Variants in PTPN13 observed in about 807,000 individuals in gnomAD.
PTPN13 encodes the protein tyrosine-protein phosphatase non-receptor type 13.
In PTPN13, 191 loss-of-function variants were observed where a neutral mutation model predicts 284.0. The ratio of observed to expected loss-of-function variants is 0.67; its 90% CI spans 0.60 to 0.76. PTPN13 has a LOEUF of 0.76. Ranked by LOEUF, PTPN13 falls within the 30% of genes least tolerant of loss-of-function variation. PTPN13 has a pLI of 0.00. For missense variants in PTPN13, 2,797 were observed against 2,939.9 expected (o/e 0.95, Z 1.12); for synonymous variants, 986 against 1,022.3 (o/e 0.96, Z 0.68).
intron 2 of PTPN13, among the ~76,000 whole-genome samples, chr4:86,636,954 A>G (rs972297011): frequency 1.4e-3 from 218 of 151,366 alleles, no homozygotes; most frequent in African/African-American, 5.2e-3. Context: ...AGAAAAAAAG[A>G]GAGAAGAATC....
intron 1 of PTPN13, among the ~76,000 whole-genome samples, chr4:86,628,789 G>T (rs1472144119): frequency 6.8e-6 from 1 of 147,872 alleles, no homozygotes; most frequent in African/African-American, 2.5e-5. Context: ...TACTGAGAAT[G>T]ATGGTTTCCA....
rs200459060 is a variant in PTPN13, at chr4:86,764,723, C to T, written c.4148C>T (p.Thr1383Met). 243 of 1,602,402 alleles carry T rather than the reference C, an allele frequency of 1.5e-4. No homozygotes were observed. The highest frequency in any genetic ancestry group is 4.7e-4 in the African/African-American group (35 of 74,448). Residue 1383 changes from threonine to methionine, a missense_variant and splice_region_variant, in exon 25 of 48, where the codon ACG becomes ATG. Physicochemically the swap from Thr to Met is moderately conservative, Grantham distance 81. Transcript: ENST00000411767. ...GATAACAGCTTGGGGATAAGTGTCACGGTACTGTTTGACAAGGTTTTCAAA... is the reference window on the plus strand; with the variant it reads ...GATAACAGCTTGGGGATAAGTGTCATGGTACTGTTTGACAAGGTTTTCAAA... The part of the protein sequence containing the change: ...KNDNSLGISV[T>M]GGVNTSVRHG...
At chr4:86,609,839 C>G (rs182589313) in intron 1 of PTPN13, among the ~76,000 whole-genome samples, 1 of 152,230 alleles carries the variant, frequency 6.6e-6, no homozygotes, top group East Asian at 1.9e-4. Flanking sequence ...TTGGGTACAA[C>G]CGAAGTTGTA....
In PTPN13 at chr4:86,743,919, A is replaced by C. The variant is rs116433976; in HGVS notation, c.2488-1047A>C. The stretch of plus-strand genomic sequence containing the variant: ...GCTAGAGTACAGTCTAACTGGACTT[A>C]AGTGGTTCTCCAGAGACATTAGTCT... On this transcript the variant is annotated intron_variant, in intron 16 of 47. Transcript: ENST00000411767. Among the ~76,000 whole-genome samples the C allele has an allele frequency of 3.1e-3, 472 of 152,302 alleles. 4 individuals carry two copies. The highest frequency in any genetic ancestry group is 0.011 in the African/African-American group (445 of 41,574).
rs569601914 is a variant in PTPN13 at position 86,653,097 on chromosome 4, A to C, written c.115+17726A>C. On this transcript the variant is annotated intron_variant, in intron 2 of 47. Transcript: ENST00000411767. ...TCCAGAATTTCTACTTGATTTTTAAAATTTTAATCTCTTAGTTAAATTTCT... is the reference window on the plus strand; with the variant it reads ...TCCAGAATTTCTACTTGATTTTTAACATTTTAATCTCTTAGTTAAATTTCT... Among the ~76,000 whole-genome samples, 60 of 151,976 alleles carry C rather than the reference A, an allele frequency of 3.9e-4. No homozygotes were observed. The East Asian group carries it at 0.011, about 28-fold the overall frequency.
intron 10 of PTPN13, 28 bp from the exon 11 acceptor site, chr4:86,732,372 A>G (rs769279859): frequency 6.7e-7 from 1 of 1,496,018 alleles, no homozygotes; most frequent in Non-Finnish European, 9.0e-7. Flanking sequence ...ATAGTAAAAA[A>G]TATTGATTCT....
In PTPN13 at chr4:86,692,666, T is replaced by C. The variant is rs115737133; in HGVS notation, c.547-921T>C. 3.6e-3 allele frequency among the ~76,000 whole-genome samples: 551 copies of C among 152,342 alleles called. 3 individuals carry two copies. Among genetic ancestry groups the C allele is most frequent in the African/African-American group, 0.013 (523 of 41,572 alleles). On this transcript the variant is annotated intron_variant, in intron 5 of 47. Coordinates refer to ENST00000411767, the MANE Select transcript of PTPN13 (RefSeq NM_080683.3). ...GAGTTTGACCTAATTTGACATACTT[T>C]ATTTCAAGCAGATACCCTTTGCTAA...
At chr4:86,770,603 A>C (rs1274802453) in intron 30 of PTPN13, among the ~76,000 whole-genome samples, 1 of 152,214 alleles carries the variant, frequency 6.6e-6, no homozygotes, top group Non-Finnish European at 1.5e-5. Context: ...GAGGCACCAG[A>C]TAGGAAAAAG....
intron 17 of PTPN13, among the ~76,000 whole-genome samples, chr4:86,747,757 G>A (rs1216307252): frequency 6.6e-6 from 1 of 152,236 alleles, no homozygotes; most frequent in Non-Finnish European, 1.5e-5. Flanking sequence ...AGCACTTTAA[G>A]ATGGTGTGAT....
chr4:86,762,871 T>A lies in PTPN13; in HGVS notation c.3698T>A (p.Phe1233Tyr), dbSNP rs772032933. 3.8e-5 allele frequency: 62 copies of A among 1,613,906 alleles called. No homozygotes were observed. The highest frequency in any genetic ancestry group is 1.6e-4 in the Middle Eastern group (1 of 6,062). The change falls in exon 24 of 48, where the codon TTT (phenylalanine) becomes TAT (tyrosine). Residue 1233 changes from phenylalanine to tyrosine, a missense_variant. Coordinates refer to ENST00000411767, the MANE Select transcript of PTPN13 (RefSeq NM_080683.3). Reference sequence around the variant, plus strand: ...CTGAGGCACATCTCGGAGAACTCCTTTGGGCCATCTGGGGGCCTGCGGGAA... The same window carrying A: ...CTGAGGCACATCTCGGAGAACTCCTATGGGCCATCTGGGGGCCTGCGGGAA... ...GTLRHISENS[F>Y]GPSGGLREGS...
intron 20 of PTPN13, among the ~76,000 whole-genome samples, chr4:86,757,091 C>T (rs957409547): frequency 3.3e-5 from 5 of 152,086 alleles, no homozygotes; most frequent in African/African-American, 9.7e-5. Context: ...TGTGTAAATG[C>T]TTGAATTGCG....
At chr4:86,724,350 G>A (rs771833770) in intron 10 of PTPN13, among the ~76,000 whole-genome samples, 2 of 152,150 alleles carry the variant, frequency 1.3e-5, no homozygotes, top group Non-Finnish European at 2.9e-5. Context: ...AGCACAAACT[G>A]CACGTACATA....
chr4:86,619,594 A>G (rs910179778), intron 1 of PTPN13, among the ~76,000 whole-genome samples: 8 of 152,208 alleles, frequency 5.3e-5, no homozygotes, highest in Non-Finnish European at 1.0e-4. Flanking sequence ...TCCTGTCACC[A>G]TACCACATTT....
intron 42 of PTPN13, among the ~76,000 whole-genome samples, chr4:86,803,263 C>CAT (rs1744250309): frequency 6.7e-6 from 1 of 150,224 alleles, no homozygotes; most frequent in Admixed American, 6.7e-5. Flanking sequence ...TACACACACA[C>CAT]ATATATAAAT....
chr4:86,758,070 A>G (rs1738192445), intron 20 of PTPN13, among the ~76,000 whole-genome samples, 190 bp from the exon 21 acceptor site: 2 of 152,190 alleles, frequency 1.3e-5, no homozygotes, highest in South Asian at 4.1e-4. Flanking sequence ...TAAATGTAAT[A>G]CGTAGTCATT....
chr4:86,773,087 C>A, intron 32 of PTPN13, 129 bp downstream of exon 32: 3 of 654,322 alleles, frequency 4.6e-6, no homozygotes, highest in Non-Finnish European at 7.3e-6. Flanking sequence ...AAATGGATAA[C>A]ATATCTGGTA....
intron 2 of PTPN13, among the ~76,000 whole-genome samples, chr4:86,657,342 C>A (rs1428257285): frequency 6.6e-6 from 1 of 152,194 alleles, no homozygotes. Flanking sequence ...TGGAGCTGTT[C>A]CTATTCGGCC....
At chr4:86,811,159 T>A in intron 47 of PTPN13, 51 bp downstream of exon 47, 1 of 1,526,430 alleles carries the variant, frequency 6.6e-7, no homozygotes, top group South Asian at 1.2e-5. Context: ...GATTCTAATA[T>A]TTTTTAAGGT....
At chr4:86,671,954 G>T (rs1343373841) in intron 2 of PTPN13, among the ~76,000 whole-genome samples, 1 of 152,174 alleles carries the variant, frequency 6.6e-6, no homozygotes, top group Non-Finnish European at 1.5e-5. Context: ...CAATGTCCTT[G>T]AGAGAGAAAC....
Sources: gnomAD v4.1 joint callset for allele counts (sites outside exome capture counted in the v4.1 genomes callset) on GRCh38, gnomAD v4.1.1 for gene constraint, MANE v1.5 for transcripts, NCBI Gene and HGNC (gene_info 2026-07-23, HGNC 2026-07-21) for gene names.